The following RNF19A variants were observed in gnomAD, a reference collection of about 807,000 sequenced individuals.
RNF19A encodes the protein ring finger protein 19A, RBR E3 ubiquitin protein ligase, also known as E3 ubiquitin-protein ligase RNF19A.
A neutral mutation model predicts 75.7 loss-of-function variants in RNF19A; 32 were observed. That is an observed-to-expected ratio of 0.42 (90% CI 0.32 to 0.57). RNF19A has a LOEUF of 0.57. Among genes scored for constraint, RNF19A ranks in the 20% least tolerant of loss-of-function variants. RNF19A has a pLI of 0.10. For synonymous variants in RNF19A, 335 were observed against 345.2 expected (o/e 0.97, Z 0.33); for missense variants, 782 against 1,036.3 (o/e 0.75, Z 3.37).
chr8:100,288,810 C>T (rs1821153203), intron 1 of RNF19A, among the ~76,000 whole-genome samples: 1 of 152,082 alleles, frequency 6.6e-6, no homozygotes, highest in African/African-American at 2.4e-5. Flanking sequence ...CCTGTAATCC[C>T]AGCACTTTGG....
At chr8:100,312,846 T>G (rs914894595), upstream of RNF19A, among the ~76,000 whole-genome samples, 1 of 152,156 alleles carries the variant, frequency 6.6e-6, no homozygotes. Context: ...CGCTTGAACC[T>G]GGGAGGCAGA....
intron 1 of RNF19A, 74 bp downstream of exon 1, chr8:100,309,793 C>T: frequency 2.0e-6 from 2 of 985,606 alleles, no homozygotes; most frequent in Non-Finnish European, 2.4e-6. Context: ...GGCCAGAGCT[C>T]CCTGGGTCGT....
chr8:100,279,273 T>C (rs1178056092), intron 2 of RNF19A, among the ~76,000 whole-genome samples: 2 of 152,138 alleles, frequency 1.3e-5, no homozygotes, highest in African/African-American at 4.8e-5. Context: ...ATACACACGG[T>C]ATATTTATTA....
chr8:100,324,808 T>TC lies in RNF19A; in HGVS notation c.-243+11299dup, dbSNP rs896562614. The stretch of plus-strand genomic sequence containing the variant: ...ATCTTTTTTCTTTCTTTCTCTTTCT[T>TC]CTTCCTTCCTTCCTTCCTTCCTCCT... On this transcript the variant is annotated intron_variant, in intron 1 of 3. Coordinates refer to the RNF19A transcript ENST00000519527. The surrounding 1 kb of genome is among the most constrained non-coding windows in gnomAD (Gnocchi z 4.2). Among the ~76,000 whole-genome samples the TC allele has an allele frequency of 6.8e-6, 1 of 148,112 alleles. No homozygotes were observed. The highest frequency in any genetic ancestry group is 1.9e-4 in the East Asian group (1 of 5,194).
At position 100,287,871 on chromosome 8, in the gene RNF19A, A is replaced by AC; in HGVS notation, c.303dup (p.Cys102ValfsTer3). On this transcript the variant is annotated frameshift_variant, in exon 2 of 10. Coordinates refer to ENST00000341084, the MANE Select transcript of RNF19A (RefSeq NM_183419.4). LOFTEE classifies it high-confidence loss of function. The surrounding 1 kb of genome is among the most constrained non-coding windows in gnomAD (Gnocchi z 4.1). Reference sequence around the variant, plus strand: ...GAGAAAATGGAGTTCTTATCAGTACACATTTCAGAATGTATACTTTCAATA... The same window carrying AC: ...GAGAAAATGGAGTTCTTATCAGTACACCATTTCAGAATGTATACTTTCAATA... The AC allele has an allele frequency of 6.2e-7, 1 of 1,614,180 alleles. No individual in the cohort carries two copies. Among genetic ancestry groups the AC allele is most frequent in the Non-Finnish European group, 8.5e-7 (1 of 1,180,028 alleles).
chr8:100,310,786 AG>A (rs1438884012), upstream of RNF19A, among the ~76,000 whole-genome samples: 3 of 152,204 alleles, frequency 2.0e-5, no homozygotes, highest in Non-Finnish European at 4.4e-5. Flanking sequence ...TTTGCAGTCA[AG>A]TAATCAGAAT....
intron 1 of RNF19A, among the ~76,000 whole-genome samples, chr8:100,315,410 A>G (rs2130310134): frequency 6.6e-6 from 1 of 152,084 alleles, no homozygotes; most frequent in East Asian, 1.9e-4. Context: ...GAAAAATGCA[A>G]CCAGGAATGA....
rs1820451318 is a variant in RNF19A, at chr8:100,275,295, C to T, written c.675-134G>A. The T allele has an allele frequency of 1.5e-6, 1 of 664,802 alleles. No homozygotes were observed. The allele number at this position is 664,802 out of a possible 1,614,324, so 41.2% of individuals were successfully genotyped here. Reference sequence around the variant, plus strand: ...ATTAGCAAACAGTCATAAGCACAATCTCACCAATATAAAAATGGGGGAAAA... The same window carrying T: ...ATTAGCAAACAGTCATAAGCACAATTTCACCAATATAAAAATGGGGGAAAA... On this transcript the variant is annotated intron_variant, in intron 2 of 9. Transcript: ENST00000341084. The surrounding 1 kb of genome is among the most constrained non-coding windows in gnomAD (Gnocchi z 4.3).
In RNF19A at chr8:100,305,003, T is replaced by A. The variant is rs191688943; in HGVS notation, c.-94+4864A>T. Among the ~76,000 whole-genome samples the A allele has an allele frequency of 1.2e-4, 19 of 152,304 alleles. No homozygotes were observed. In the East Asian group the frequency reaches 2.1e-3, roughly 17 times the overall value. ...CAGGCTGGAGTACAGTGGCACAATCTCAGCTCACTGCAACCTCTACCTCCC... is the reference window on the plus strand; with the variant it reads ...CAGGCTGGAGTACAGTGGCACAATCACAGCTCACTGCAACCTCTACCTCCC... On this transcript the variant is annotated intron_variant, in intron 1 of 9. Transcript: ENST00000341084.
At chr8:100,280,633 G>A (rs912888277) in intron 2 of RNF19A, among the ~76,000 whole-genome samples, 5 of 152,276 alleles carry the variant, frequency 3.3e-5, no homozygotes, top group African/African-American at 9.6e-5. Context: ...TGTATAATCT[G>A]ACAACAAAAG....
In RNF19A at chr8:100,264,575, T is replaced by C. The variant is rs148117044; in HGVS notation, c.1306+96A>G. On this transcript the variant is annotated intron_variant, in intron 6 of 9. Coordinates refer to ENST00000341084, the MANE Select transcript of RNF19A (RefSeq NM_183419.4). The surrounding 1 kb of genome is among the most constrained non-coding windows in gnomAD (Gnocchi z 4.7). ...AGACTTACTGCAGGCTCAATTTAAATTGTCCTCAAATTAAAAAACAATTAA... is the reference window on the plus strand; with the variant it reads ...AGACTTACTGCAGGCTCAATTTAAACTGTCCTCAAATTAAAAAACAATTAA... 121 of 806,518 alleles carry C rather than the reference T, an allele frequency of 1.5e-4. No homozygotes were observed. The African/African-American group carries it at 1.8e-3, about 12-fold the overall frequency. 50.0% of individuals were successfully genotyped at this position (806,518 alleles called of 1,614,324 possible). A position where few individuals can be genotyped will look rare whatever the true frequency, so the allele number is the denominator to read the frequency against.
intron 1 of RNF19A, among the ~76,000 whole-genome samples, chr8:100,321,953 G>A (rs1001238085): frequency 1.3e-5 from 2 of 151,986 alleles, no homozygotes; most frequent in African/African-American, 4.8e-5. Context: ...TTGTTGTTCC[G>A]TTTCTAGAGC....
intron 5 of RNF19A, 82 bp downstream of exon 5, chr8:100,268,703 A>C (rs1486790741): frequency 2.8e-5 from 22 of 782,148 alleles, no homozygotes; most frequent in Non-Finnish European, 3.7e-5. Flanking sequence ...AAAAAAAAAA[A>C]ACCCAAAAAT....
intron 1 of RNF19A, among the ~76,000 whole-genome samples, chr8:100,294,817 A>G (rs531356659): frequency 1.8e-4 from 28 of 152,306 alleles, no homozygotes; most frequent in African/African-American, 6.3e-4. Flanking sequence ...TCTCCACAAT[A>G]TAACTGCTTA....
intron 1 of RNF19A, among the ~76,000 whole-genome samples, chr8:100,327,891 T>G (rs1199267258): frequency 6.6e-5 from 10 of 152,228 alleles, no homozygotes; most frequent in African/African-American, 2.4e-4. Flanking sequence ...AAATATATCA[T>G]TTCTTTATTA....
chr8:100,259,040 A>G lies in RNF19A; in HGVS notation c.2033T>C (p.Leu678Pro). The change falls in exon 10 of 10, where the codon CTG (leucine) becomes CCG (proline). Residue 678 changes from leucine to proline, a missense_variant. Physicochemically the swap from Leu to Pro is moderately conservative, Grantham distance 98. Around this residue, in one of 7 missense-constraint regions of RNF19A, gnomAD observed 442 missense variants for 541.6 expected, o/e 0.82. Transcript: ENST00000341084. The surrounding 1 kb of genome is among the most constrained non-coding windows in gnomAD (Gnocchi z 4.5). ...TAGKKSKSGK[L>P]RKKGNMKINE... Reference sequence around the variant, plus strand: ...TATCTTCATGTTACCCTTTTTCCTCAGTTTACCACTTTTTGATTTTTTCCC... The same window carrying G: ...TATCTTCATGTTACCCTTTTTCCTCGGTTTACCACTTTTTGATTTTTTCCC... 1.2e-6 allele frequency: 2 copies of G among 1,613,992 alleles called. No individual in the cohort carries two copies. Among genetic ancestry groups the G allele is most frequent in the Non-Finnish European group, 1.7e-6 (2 of 1,179,988 alleles).
intron 1 of RNF19A, 51 bp downstream of exon 1, chr8:100,309,816 C>T (rs986886387): frequency 3.0e-6 from 3 of 985,464 alleles, no homozygotes; most frequent in Non-Finnish European, 2.4e-6. Context: ...GCGAGAGCCG[C>T]CCCTTCTCTC....
chr8:100,306,022 C>T (rs1355430239), intron 1 of RNF19A, among the ~76,000 whole-genome samples: 1 of 152,132 alleles, frequency 6.6e-6, no homozygotes, highest in African/African-American at 2.4e-5. Context: ...GTTTCTTGCT[C>T]CTTCCCTCTA....
Position 100,264,678 on chromosome 8 carries a change from C to T in RNF19A, c.1299G>A (p.Val433=). Residue 433 remains valine (V), a synonymous_variant, in exon 6 of 10, where the codon GTG becomes GTA. Transcript: ENST00000341084. This position sits in a 1 kb window ranked among gnomAD's most constrained non-coding sequence, Gnocchi z 4.7. ...TTTTCAGCATTTTCTTACCTACAGT[C>T]ACTGCAGCTACTACTGGAGACACGA... is the stretch of plus-strand genomic sequence containing the variant. The part of the protein sequence containing the change: ...SVIVSPVVAA[V]TVGIGVPIML... 1 of 1,603,138 alleles carries T rather than the reference C, an allele frequency of 6.2e-7. No homozygotes were observed. Among genetic ancestry groups the T allele is most frequent in the Non-Finnish European group, 8.5e-7 (1 of 1,171,276 alleles).
Sources: allele counts gnomAD v4.1 joint callset (sites outside exome capture counted in the v4.1 genomes callset), GRCh38; gene constraint gnomAD v4.1.1; regional missense constraint gnomAD v4.1.1; non-coding constraint Gnocchi (gnomAD v3.1); transcripts MANE v1.5; gene names NCBI Gene and HGNC (gene_info 2026-07-23, HGNC 2026-07-21).